Variants in DCC observed in about 807,000 individuals in gnomAD.
The protein encoded by DCC is netrin receptor DCC.
A neutral mutation model predicts 172.5 loss-of-function variants in DCC; 58 were observed. The observed-to-expected ratio is 0.34, with a 90% CI of 0.27 to 0.42. The LOEUF is 0.42. Ranked by LOEUF, DCC falls within the 10% of genes least tolerant of loss-of-function variation. The probability of loss-of-function intolerance (pLI) is 1.00; values close to 1 mark genes in which losing one functional copy is unlikely to be tolerated. For synonymous variants in DCC, 709 were observed against 644.5 expected (o/e 1.10, Z -1.52); for missense variants, 1,740 against 1,791.0 (o/e 0.97, Z 0.51).
Position 53,489,238 on chromosome 18 carries a change from A to C in DCC, c.3898+2280A>C, listed in dbSNP as rs2045935012. On this transcript the variant is annotated intron_variant, in intron 26 of 28. Transcript: ENST00000442544. ...ATGTTCTACTCCTGCCCAAGATTTT[A>C]CAGATTTTTAAAATAAATACATCTT... Among the ~76,000 whole-genome samples, 3 of 152,216 alleles carry C rather than the reference A, an allele frequency of 2.0e-5. No homozygotes were observed. The South Asian group carries it at 6.2e-4, about 31-fold the overall frequency.
intron 12 of DCC, among the ~76,000 whole-genome samples, chr18:53,271,102 C>T (rs2056743279): frequency 6.6e-6 from 1 of 152,058 alleles, no homozygotes; most frequent in African/African-American, 2.4e-5. Flanking sequence ...TGCTATGCTA[C>T]AAGGGTAAGG....
At chr18:52,508,700 C>G (rs2031323569) in intron 1 of DCC, among the ~76,000 whole-genome samples, 1 of 152,044 alleles carries the variant, frequency 6.6e-6, no homozygotes, top group East Asian at 1.9e-4. Context: ...TTACTTAATC[C>G]CAGAATACTA....
At chr18:52,476,022 T>C (rs1989084267) in intron 1 of DCC, among the ~76,000 whole-genome samples, 1 of 152,148 alleles carries the variant, frequency 6.6e-6, no homozygotes, top group Non-Finnish European at 1.5e-5. Flanking sequence ...TTTGATACCA[T>C]CTTCAAACAT....
At chr18:53,044,642 C>G (rs185841046) in intron 5 of DCC, among the ~76,000 whole-genome samples, 2 of 151,864 alleles carry the variant, frequency 1.3e-5, no homozygotes, top group Admixed American at 1.3e-4. Context: ...GTACTTACAG[C>G]CTACATTTCT....
chr18:53,463,549 A>G (rs1199401447), intron 24 of DCC, among the ~76,000 whole-genome samples: 1 of 152,174 alleles, frequency 6.6e-6, no homozygotes, highest in Admixed American at 6.5e-5. Context: ...ATGTAAGGAG[A>G]GATTACTGTA....
chr18:53,516,088 G>C (rs984510375), intron 27 of DCC, among the ~76,000 whole-genome samples: 1 of 146,288 alleles, frequency 6.8e-6, no homozygotes, highest in Non-Finnish European at 1.5e-5. Context: ...GATGGTACTG[G>C]TACCAAAACA....
chr18:53,046,174 A>G (rs531173546), intron 5 of DCC, among the ~76,000 whole-genome samples: 27 of 152,026 alleles, frequency 1.8e-4, no homozygotes, highest in African/African-American at 6.5e-4. Context: ...TCACCAAGTA[A>G]TCCTAAAAAT....
At chr18:52,526,448 AAAC>A (rs1195653500) in intron 1 of DCC, among the ~76,000 whole-genome samples, 1 of 152,064 alleles carries the variant, frequency 6.6e-6, no homozygotes, top group Non-Finnish European at 1.5e-5. Context: ...GGTAGTTGGT[AAAC>A]AACAATTCAG....
chr18:52,702,282 C>A (rs2036138965), intron 1 of DCC, among the ~76,000 whole-genome samples: 2 of 152,166 alleles, frequency 1.3e-5, no homozygotes, highest in Non-Finnish European at 2.9e-5. Flanking sequence ...TAGTTGTCCA[C>A]CAACCTCCTT....
At chr18:52,360,600 A>C (rs1034149870) in intron 1 of DCC, among the ~76,000 whole-genome samples, 6 of 152,202 alleles carry the variant, frequency 3.9e-5, no homozygotes, top group Admixed American at 1.3e-4. Context: ...ACTTGTGCTT[A>C]AGTTGGCATT....
chr18:52,770,159 C>G (rs1176838254), intron 2 of DCC, among the ~76,000 whole-genome samples: 4 of 152,226 alleles, frequency 2.6e-5, no homozygotes, highest in Non-Finnish European at 5.9e-5. Context: ...CCTTCTCTCT[C>G]TTTTCCTCTC....
intron 14 of DCC, among the ~76,000 whole-genome samples, chr18:53,329,981 C>G (rs1287821052): frequency 1.3e-5 from 2 of 152,242 alleles, no homozygotes; most frequent in East Asian, 3.9e-4. Context: ...TAGTGTGAAA[C>G]TATTGCCAGT....
intron 1 of DCC, among the ~76,000 whole-genome samples, chr18:52,443,480 A>T (rs1428300795): frequency 6.6e-6 from 1 of 152,186 alleles, no homozygotes; most frequent in Non-Finnish European, 1.5e-5. Context: ...AGTAAAAAAT[A>T]TTTGCATAAC....
rs188554738 is a variant in DCC at position 52,594,119 on chromosome 18, G to A, written c.92-157935G>A. 7.2e-5 allele frequency among the ~76,000 whole-genome samples: 11 copies of A among 152,246 alleles called. No individual in the cohort carries two copies. In the East Asian group the frequency reaches 2.1e-3, roughly 29 times the overall value. On this transcript the variant is annotated intron_variant, in intron 1 of 28. Coordinates refer to ENST00000442544, the MANE Select transcript of DCC (RefSeq NM_005215.4). ...TCGGGATTTGCCTCTTCAGAGAAAA[G>A]GCTATAATAAGTCATAGCTCTAGGA... is the stretch of plus-strand genomic sequence containing the variant.
intron 2 of DCC, among the ~76,000 whole-genome samples, chr18:52,848,317 C>G (rs545566294): frequency 6.6e-5 from 10 of 152,018 alleles, no homozygotes; most frequent in Non-Finnish European, 1.5e-4. Flanking sequence ...AAACTTCTGA[C>G]CCCAGGTGAT....
At chr18:53,242,165 T>C (rs1391208460) in intron 12 of DCC, among the ~76,000 whole-genome samples, 1 of 152,062 alleles carries the variant, frequency 6.6e-6, no homozygotes, top group Non-Finnish European at 1.5e-5. Flanking sequence ...CAATCACTGG[T>C]AACAAAGGGA....
At chr18:52,792,419 C>G (rs1025130931) in intron 2 of DCC, among the ~76,000 whole-genome samples, 1 of 152,166 alleles carries the variant, frequency 6.6e-6, no homozygotes, top group African/African-American at 2.4e-5. Flanking sequence ...TGCCAACACC[C>G]CACCAGGGTG....
intron 12 of DCC, among the ~76,000 whole-genome samples, chr18:53,281,953 T>G (rs1031630223): frequency 4.6e-5 from 7 of 152,102 alleles, no homozygotes; most frequent in Non-Finnish European, 8.8e-5. Context: ...AATTGTGGCT[T>G]AAGAAAAATA....
chr18:52,895,113 T>C (rs1269105018), intron 2 of DCC, among the ~76,000 whole-genome samples: 2 of 152,172 alleles, frequency 1.3e-5, no homozygotes, highest in Non-Finnish European at 2.9e-5. Flanking sequence ...AGTGATGTGA[T>C]GAAAAACAGA....
Sources: allele counts gnomAD v4.1 joint callset (sites outside exome capture counted in the v4.1 genomes callset), GRCh38; gene constraint gnomAD v4.1.1; transcripts MANE v1.5; gene names NCBI Gene and HGNC (gene_info 2026-07-23, HGNC 2026-07-21).